Variants in PCCB observed in about 807,000 individuals in gnomAD.
PCCB encodes propionyl-CoA carboxylase beta chain, mitochondrial.
Under a neutral mutation model 60.7 loss-of-function variants are expected in PCCB, and 43 were observed. That is an observed-to-expected ratio of 0.71 (90% CI 0.55 to 0.91). The LOEUF (loss-of-function observed/expected upper bound fraction) is 0.91, where lower values mean the gene tolerates loss of function less well. Among genes scored for constraint, PCCB ranks in the 40% least tolerant of loss-of-function variants. The pLI is 0.00. For missense variants in PCCB, 766 were observed against 702.8 expected (o/e 1.09, Z -1.02); for synonymous variants, 276 against 255.9 (o/e 1.08, Z -0.75).
At chr3:136,275,669 A>G (rs1216502759) in intron 5 of PCCB, among the ~76,000 whole-genome samples, 1 of 152,040 alleles carries the variant, frequency 6.6e-6, no homozygotes, top group Non-Finnish European at 1.5e-5. Context: ...TTATAGCCTA[A>G]TGTGATTCTT....
In PCCB at chr3:136,293,704, TGACC is replaced by T. The variant is rs1250762842; in HGVS notation, c.655-51_655-48del. On this transcript the variant is annotated intron_variant, in intron 6 of 14. Coordinates refer to ENST00000251654, the MANE Select transcript of PCCB (RefSeq NM_000532.5). ...CTTGGCTGAATCAACTCTAAGGCTG[TGACC>T]AGCTCTGGTGCTCTGAGGTTGACTG... 9 of 1,121,070 alleles carry T rather than the reference TGACC, an allele frequency of 8.0e-6. No individual in the cohort carries two copies. In the African/African-American group the frequency reaches 1.1e-4, roughly 13 times the overall value. 69.4% of individuals were successfully genotyped at this position (1,121,070 alleles called of 1,614,324 possible).
intron 9 of PCCB, among the ~76,000 whole-genome samples, chr3:136,302,057 G>C (rs914661888): frequency 2.0e-5 from 3 of 152,206 alleles, no homozygotes; most frequent in African/African-American, 7.2e-5. Context: ...ACAGTGTGGG[G>C]AGTTGTAGCA....
At chr3:136,292,903 C>T (rs1933764039) in intron 6 of PCCB, among the ~76,000 whole-genome samples, 1 of 152,158 alleles carries the variant, frequency 6.6e-6, no homozygotes, top group South Asian at 2.1e-4. Flanking sequence ...TCCACTGTAT[C>T]TCCTGTTCCT....
intron 4 of PCCB, among the ~76,000 whole-genome samples, chr3:136,261,320 C>T (rs1172658735): frequency 1.3e-5 from 2 of 152,146 alleles, no homozygotes; most frequent in African/African-American, 4.8e-5. Flanking sequence ...AGACATGGTC[C>T]TGTCATGTAT....
intron 6 of PCCB, among the ~76,000 whole-genome samples, chr3:136,285,506 T>C (rs1460731739): frequency 3.9e-5 from 6 of 152,112 alleles, no homozygotes; most frequent in Admixed American, 3.9e-4. Flanking sequence ...GCCATCCCAT[T>C]CTTTAACACG....
chr3:136,324,971 C>A (rs1437339418), intron 10 of PCCB, among the ~76,000 whole-genome samples: 1 of 152,210 alleles, frequency 6.6e-6, no homozygotes, highest in African/African-American at 2.4e-5. Context: ...TGGCTCACTG[C>A]AACCTCCTTC....
At chr3:136,268,610 C>T (rs935897010) in intron 5 of PCCB, among the ~76,000 whole-genome samples, 10 of 151,944 alleles carry the variant, frequency 6.6e-5, no homozygotes, top group African/African-American at 2.4e-4. Context: ...ATTACAGTCA[C>T]GTGCCAGCAC....
chr3:136,258,622 G>T (rs1309415696), intron 3 of PCCB, among the ~76,000 whole-genome samples: 2 of 151,778 alleles, frequency 1.3e-5, no homozygotes, highest in Non-Finnish European at 2.9e-5. Context: ...GAGGGGGAGA[G>T]AAAAAAAGGG....
intron 1 of PCCB, chr3:136,251,418 A>G: frequency 2.3e-6 from 1 of 430,642 alleles, no homozygotes; most frequent in Non-Finnish European, 4.7e-6. Flanking sequence ...GATGAAGAGT[A>G]TTCAGGCACA....
intron 6 of PCCB, among the ~76,000 whole-genome samples, chr3:136,292,284 T>C (rs900151705): frequency 2.0e-5 from 3 of 152,040 alleles, no homozygotes; most frequent in Non-Finnish European, 4.4e-5. Context: ...TAAACATTTG[T>C]TTAGAAGTCT....
chr3:136,323,438 G>T (rs1935178994), intron 10 of PCCB, among the ~76,000 whole-genome samples: 1 of 151,944 alleles, frequency 6.6e-6, no homozygotes, highest in Non-Finnish European at 1.5e-5. Context: ...TTATTTTCCT[G>T]ATTTCCTTTA....
intron 10 of PCCB, among the ~76,000 whole-genome samples, chr3:136,319,311 C>G (rs1935025722): frequency 6.6e-6 from 1 of 150,830 alleles, no homozygotes; most frequent in Non-Finnish European, 1.5e-5. Context: ...TAAACTCTTA[C>G]ATTTGACTTA....
rs768256081 is a variant in PCCB at position 136,255,969 on chromosome 3, G to A, written c.297G>A (p.Lys99=). The part of the protein sequence containing the change: ...RCADFGMAAD[K]NKFPGDSVVT... Reference sequence around the variant, plus strand: ...CAGATTTTGGAATGGCTGCTGATAAGAATAAGGTATTTGTTCAAATGGTGG... The same window carrying A: ...CAGATTTTGGAATGGCTGCTGATAAAAATAAGGTATTTGTTCAAATGGTGG... The change falls in exon 2 of 15, where the codon AAG becomes AAA. Residue 99 remains lysine, a synonymous_variant. Coordinates refer to ENST00000251654, the MANE Select transcript of PCCB (RefSeq NM_000532.5). 3.7e-6 allele frequency: 6 copies of A among 1,614,192 alleles called. No individual in the cohort carries two copies.
chr3:136,261,288 G>C (rs1941816662), intron 4 of PCCB, among the ~76,000 whole-genome samples: 1 of 152,316 alleles, frequency 6.6e-6, no homozygotes, highest in African/African-American at 2.4e-5. Flanking sequence ...GGAGCTACTA[G>C]TAACTGGAAC....
intron 5 of PCCB, among the ~76,000 whole-genome samples, chr3:136,273,350 T>C (rs972584969): frequency 2.0e-5 from 3 of 152,128 alleles, no homozygotes; most frequent in African/African-American, 7.2e-5. Context: ...GGGTATACTT[T>C]AAGTCCATTG....
chr3:136,257,444 C>A (rs936562919), intron 3 of PCCB, among the ~76,000 whole-genome samples: 1 of 152,130 alleles, frequency 6.6e-6, no homozygotes, highest in African/African-American at 2.4e-5. Context: ...TCCTGTGTAG[C>A]GCTTCTAAAT....
intron 5 of PCCB, among the ~76,000 whole-genome samples, chr3:136,267,213 G>A (rs1414159254): frequency 6.6e-6 from 1 of 152,108 alleles, no homozygotes; most frequent in Non-Finnish European, 1.5e-5. Flanking sequence ...TAGAGACAGG[G>A]TCTTGCTCTG....
At chr3:136,275,012 T>C (rs1194922895) in intron 5 of PCCB, among the ~76,000 whole-genome samples, 1 of 152,046 alleles carries the variant, frequency 6.6e-6, no homozygotes, top group Non-Finnish European at 1.5e-5. Context: ...GGAAATTTGC[T>C]ATGTTGCTCA....
At chr3:136,273,761 A>G (rs1942267659) in intron 5 of PCCB, among the ~76,000 whole-genome samples, 1 of 150,510 alleles carries the variant, frequency 6.6e-6, no homozygotes, top group Admixed American at 6.6e-5. Context: ...AAATACAAAA[A>G]ATTAGCCGGG....
Sources: gnomAD v4.1 joint callset for allele counts (sites outside exome capture counted in the v4.1 genomes callset) on GRCh38, gnomAD v4.1.1 for gene constraint, MANE v1.5 for transcripts, NCBI Gene and HGNC (gene_info 2026-07-23, HGNC 2026-07-21) for gene names.